The following CPNE9 variants were observed in gnomAD, a reference collection of about 807,000 sequenced individuals.
CPNE9 encodes the protein copine-9.
Under a neutral mutation model 83.0 loss-of-function variants are expected in CPNE9, and 59 were observed. That is an observed-to-expected ratio of 0.71 (90% CI 0.58 to 0.88). The LOEUF (loss-of-function observed/expected upper bound fraction) is 0.88, where lower values mean the gene tolerates loss of function less well. Among genes scored for constraint, CPNE9 ranks in the 40% least tolerant of loss-of-function variants. CPNE9 has a pLI of 0.00. For synonymous variants in CPNE9, 256 were observed against 273.4 expected, an observed-to-expected ratio of 0.94 and a Z score of 0.63; for missense variants, 619 against 720.8, an observed-to-expected ratio of 0.86 and a Z score of 1.62.
intron 7 of CPNE9, 99 bp downstream of exon 7, chr3:9,706,162 CCCTGGTCAGGAG>C: frequency 4.9e-6 from 6 of 1,235,216 alleles, no homozygotes; most frequent in Non-Finnish European, 6.9e-6. Flanking sequence ...CTGGGGTTGC[CCCTGGTCAGGAG>C]CCTGCCCCGG....
chr3:9,728,075 G>A (rs1045905832), intron 20 of CPNE9, among the ~76,000 whole-genome samples: 1 of 152,256 alleles, frequency 6.6e-6, no homozygotes, highest in Admixed American at 6.5e-5. Flanking sequence ...GCTAGAGGAG[G>A]AGATTTGGCA....
chr3:9,705,425 A>AGCCCCCC, intron 4 of CPNE9, 39 bp from the exon 5 acceptor site: 1 of 303,378 alleles, frequency 3.3e-6, no homozygotes, highest in Non-Finnish European at 5.6e-6. Flanking sequence ...CCTCTCCCCC[A>AGCCCCCC]CCCAGCCCCA....
chr3:9,708,861 C>T (rs909535297), intron 7 of CPNE9, among the ~76,000 whole-genome samples: 4 of 151,706 alleles, frequency 2.6e-5, no homozygotes, highest in African/African-American at 4.8e-5. Context: ...GTCTCGATCT[C>T]CTGACCTCAT....
At chr3:9,719,180 A>C (rs1253026521) in intron 17 of CPNE9, among the ~76,000 whole-genome samples, 1 of 152,084 alleles carries the variant, frequency 6.6e-6, no homozygotes, top group African/African-American at 2.4e-5. Context: ...ATTAAAGTAT[A>C]CAGGACGATG....
At chr3:9,715,902 A>G (rs2076679257) in intron 13 of CPNE9, 72 bp from the exon 14 acceptor site, 3 of 1,386,756 alleles carry the variant, frequency 2.2e-6, no homozygotes, top group South Asian at 1.2e-5. Flanking sequence ...CCAAGCCCCT[A>G]TGGGCCTCAC....
At chr3:9,725,247 A>G (rs1358029186) in intron 17 of CPNE9, among the ~76,000 whole-genome samples, 1 of 152,188 alleles carries the variant, frequency 6.6e-6, no homozygotes, top group African/African-American at 2.4e-5. Context: ...AATATTACTG[A>G]AGGCAGACCA....
Position 9,704,809 on chromosome 3 carries a change from C to G in CPNE9, c.156+14C>G, listed in dbSNP as rs767291517. 4.0e-4 allele frequency: 633 copies of G among 1,601,534 alleles called. No individual in the cohort carries two copies. The highest frequency in any genetic ancestry group is 5.3e-4 in the Non-Finnish European group (617 of 1,174,848). ...GAGTGGCGGGAGGTGAGTCCCAGAG[C>G]CCCCTCCCGGCCCAGGGCGTCGCCC... On this transcript the variant is annotated intron_variant, in intron 3 of 20. Transcript: ENST00000383832. The surrounding 1 kb of genome is among the most constrained non-coding windows in gnomAD (Gnocchi z 7.1).
Position 9,703,967 on chromosome 3 carries a change from C to T in CPNE9, c.-30C>T, listed in dbSNP as rs747257496. 20 of 1,577,432 alleles carry T rather than the reference C, an allele frequency of 1.3e-5. No homozygotes were observed. The highest frequency in any genetic ancestry group is 3.4e-4 in the Middle Eastern group (2 of 5,960). The stretch of plus-strand genomic sequence containing the variant: ...AGCCCCAGCAGCCCTGGTCTCGCAG[C>T]CTCCTGCGGCTCTGGTCGCCCGACC... On this transcript the variant is annotated 5_prime_UTR_variant, in exon 1 of 21. Transcript: ENST00000383832.
Position 9,718,150 on chromosome 3 carries a change from A to G in CPNE9, c.1053A>G (p.Pro351=), listed in dbSNP as rs543888513. The part of the protein sequence containing the change: ...IQDYDSDKLF[P]AYGFGAKLPP... ...ACTATGACAGTGATAAGCTCTTCCC[A>G]GCTTATGGCTTTGGGGCCAAGCTGC... The change falls in exon 16 of 21, where the codon CCA becomes CCG. Residue 351 remains proline, a synonymous_variant. Transcript: ENST00000383832. 1 of 1,614,154 alleles carries G rather than the reference A, an allele frequency of 6.2e-7. No homozygotes were observed. The highest frequency in any genetic ancestry group is 1.1e-5 in the South Asian group (1 of 91,080).
chr3:9,708,643 C>CT (rs71626934), intron 7 of CPNE9, among the ~76,000 whole-genome samples: 1 of 151,868 alleles, frequency 6.6e-6, no homozygotes, highest in African/African-American at 2.4e-5. Flanking sequence ...GTCAAGGAAT[C>CT]TTTTTTTTGA....
intron 7 of CPNE9, among the ~76,000 whole-genome samples, chr3:9,708,238 C>T (rs1575117012): frequency 6.6e-6 from 1 of 152,304 alleles, no homozygotes; most frequent in South Asian, 2.1e-4. Context: ...AGGCATGAGC[C>T]ACTGAGCCCG....
chr3:9,708,055 A>T (rs1255077392), intron 7 of CPNE9, among the ~76,000 whole-genome samples: 1 of 152,180 alleles, frequency 6.6e-6, no homozygotes, highest in Non-Finnish European at 1.5e-5. Flanking sequence ...ACTCCCACTT[A>T]AACCTTCCAA....
chr3:9,708,799 A>AT (rs1426507853), intron 7 of CPNE9, among the ~76,000 whole-genome samples: 134 of 151,606 alleles, frequency 8.8e-4, no homozygotes, highest in African/African-American at 2.6e-3. Context: ...TGCCCGGCTA[A>AT]TTTTTTTTGT....
chr3:9,708,835 C>A (rs779417475), intron 7 of CPNE9, among the ~76,000 whole-genome samples: 1 of 151,752 alleles, frequency 6.6e-6, no homozygotes, highest in South Asian at 2.1e-4. Context: ...GGGGTTTCAC[C>A]GTGTTAGCCA....
At position 9,721,765 on chromosome 3, in the gene CPNE9, C is replaced by T. The variant is rs540988758; in HGVS notation, c.1241+3163C>T. ...TACAGAGGACTATCCAGATAATGGA[C>T]TGGGGATAGAGAGTGAGAGAATCAA... is the stretch of plus-strand genomic sequence containing the variant. On this transcript the variant is annotated intron_variant, in intron 17 of 20. Transcript: ENST00000383832. Among the ~76,000 whole-genome samples, 12 of 152,262 alleles carry T rather than the reference C, an allele frequency of 7.9e-5. No individual in the cohort carries two copies. In the South Asian group the frequency reaches 1.9e-3, roughly 24 times the overall value.
At chr3:9,719,043 G>A (rs1484632368) in intron 17 of CPNE9, among the ~76,000 whole-genome samples, 1 of 151,112 alleles carries the variant, frequency 6.6e-6, no homozygotes, top group Non-Finnish European at 1.5e-5. Flanking sequence ...CACCATGTTG[G>A]CCAGGCTGGT....
At chr3:9,721,422 G>T (rs1456217729) in intron 17 of CPNE9, among the ~76,000 whole-genome samples, 1 of 152,080 alleles carries the variant, frequency 6.6e-6, no homozygotes, top group Non-Finnish European at 1.5e-5. Context: ...AGAGAAAAAA[G>T]GTGTTTTAAG....
At chr3:9,729,406 T>A in intron 20 of CPNE9, 101 bp from the exon 21 acceptor site, 1 of 1,462,034 alleles carries the variant, frequency 6.8e-7, no homozygotes, top group Non-Finnish European at 9.1e-7. Flanking sequence ...CTGTGATAGT[T>A]GGAAAGAGAT....
At position 9,705,932 on chromosome 3, in the gene CPNE9, G is replaced by A. The variant is rs1312278351; in HGVS notation, c.301-55G>A. The A allele has an allele frequency of 1.8e-5, 29 of 1,577,576 alleles. No individual in the cohort carries two copies. In the South Asian group the frequency reaches 3.1e-4, roughly 17 times the overall value. ...TGTGCAGGAGCATCACTGGGGCTAG[G>A]CTGGGACTCAGCACTCAAGAGCTTC... is the stretch of plus-strand genomic sequence containing the variant. On this transcript the variant is annotated intron_variant, in intron 6 of 20. Transcript: ENST00000383832.
Sources: gnomAD v4.1 joint callset for allele counts (sites outside exome capture counted in the v4.1 genomes callset) on GRCh38, gnomAD v4.1.1 for gene constraint, Gnocchi (gnomAD v3.1) non-coding constraint, MANE v1.5 for transcripts, NCBI Gene and HGNC (gene_info 2026-07-23, HGNC 2026-07-21) for gene names.